Variants in FYCO1 observed in about 807,000 individuals in gnomAD.
FYCO1 encodes the protein FYVE and coiled-coil domain autophagy adaptor 1.
FYCO1 carries 122 observed loss-of-function variants against 165.1 expected under a neutral mutation model. The ratio of observed to expected loss-of-function variants is 0.74; its 90% CI spans 0.64 to 0.86. FYCO1 has a LOEUF of 0.86. Among genes scored for constraint, FYCO1 ranks in the 40% least tolerant of loss-of-function variants. The probability of loss-of-function intolerance (pLI) is 0.00; values close to 1 mark genes in which losing one functional copy is unlikely to be tolerated. For missense variants in FYCO1, 1,702 were observed against 1,810.3 expected (o/e 0.94, Z 1.09); for synonymous variants, 648 against 742.5 (o/e 0.87, Z 2.07).
Position 45,973,220 on chromosome 3 carries a change from T to A in FYCO1, c.407A>T (p.Tyr136Phe), listed in dbSNP as rs1221550207. 1 of 1,614,134 alleles carries A rather than the reference T, an allele frequency of 6.2e-7. No homozygotes were observed. Among genetic ancestry groups the A allele is most frequent in the Non-Finnish European group, 8.5e-7 (1 of 1,179,958 alleles). The change falls in exon 6 of 18, where the codon TAT becomes TTT. Residue 136 changes from tyrosine to phenylalanine, a missense_variant. Coordinates refer to ENST00000296137, the MANE Select transcript of FYCO1 (RefSeq NM_024513.4). Reference sequence around the variant, plus strand: ...TGGCTGCAGAAAGGGGCTTCTTGCATAGTACCAGTCACTGCAGAAAAACAT... The same window carrying A: ...TGGCTGCAGAAAGGGGCTTCTTGCAAAGTACCAGTCACTGCAGAAAAACAT... ...MNTKVTSDWYYARSPFLQPKL... is the reference protein window; with the variant it reads ...MNTKVTSDWYFARSPFLQPKL...
At chr3:45,963,826 T>A (rs138062500) in intron 10 of FYCO1, among the ~76,000 whole-genome samples, 199 of 152,294 alleles carry the variant, frequency 1.3e-3, no homozygotes, top group African/African-American at 4.6e-3. Flanking sequence ...TCCACAGATA[T>A]GGCATCAGAG....
At chr3:45,994,700 A>C (rs1416689075) in intron 1 of FYCO1, among the ~76,000 whole-genome samples, 2 of 144,282 alleles carry the variant, frequency 1.4e-5, no homozygotes, top group South Asian at 4.8e-4. Context: ...GGCAGATGGC[A>C]GGGGAATTAA....
chr3:45,922,748 C>A (rs1408154775), intron 17 of FYCO1, among the ~76,000 whole-genome samples: 1 of 152,172 alleles, frequency 6.6e-6, no homozygotes, highest in African/African-American at 2.4e-5. Flanking sequence ...CAGTTCAAGG[C>A]CTGGAGGTGG....
In FYCO1 at chr3:45,931,269, G is replaced by A. The variant is rs746807898; in HGVS notation, c.4053C>T (p.Pro1351=). Residue 1351 remains proline, a synonymous_variant, in exon 16 of 18, where the codon CCC becomes CCT. Coordinates refer to ENST00000296137, the MANE Select transcript of FYCO1 (RefSeq NM_024513.4). ...LKSGELMIKV[P]LTVDEIASFG... Reference sequence around the variant, plus strand: ...AGCTGGCGATCTCATCCACTGTGAGGGGTACTTTGATCCTAAAATAAAAAT... The same window carrying A: ...AGCTGGCGATCTCATCCACTGTGAGAGGTACTTTGATCCTAAAATAAAAAT... 6.2e-7 allele frequency: 1 copy of A among 1,613,658 alleles called. No homozygotes were observed. Among genetic ancestry groups the A allele is most frequent in the South Asian group, 1.1e-5 (1 of 91,068 alleles).
intron 5 of FYCO1, among the ~76,000 whole-genome samples, chr3:45,974,761 C>T (rs1315974777): frequency 6.6e-6 from 1 of 152,096 alleles, no homozygotes; most frequent in Non-Finnish European, 1.5e-5. Flanking sequence ...CAAAGGCTGA[C>T]TGCACACCTG....
At chr3:45,937,678 G>A (rs919912785) in intron 14 of FYCO1, among the ~76,000 whole-genome samples, 3 of 152,190 alleles carry the variant, frequency 2.0e-5, no homozygotes, top group Non-Finnish European at 2.9e-5. Flanking sequence ...CACAGCCTCC[G>A]CTGCTCTTCT....
At chr3:45,953,662 T>C (rs1575355102) in intron 14 of FYCO1, among the ~76,000 whole-genome samples, 1 of 152,186 alleles carries the variant, frequency 6.6e-6, no homozygotes, top group Non-Finnish European at 1.5e-5. Context: ...GCTCTGCCTG[T>C]GTAAGCTATA....
chr3:45,954,038 C>G (rs1489381485), intron 14 of FYCO1, among the ~76,000 whole-genome samples: 1 of 152,194 alleles, frequency 6.6e-6, no homozygotes. Flanking sequence ...ACTGGAGACC[C>G]AAGACAGCCC....
chr3:45,928,112 T>A (rs1703409814), intron 16 of FYCO1, among the ~76,000 whole-genome samples: 1 of 152,226 alleles, frequency 6.6e-6, no homozygotes, highest in Admixed American at 6.5e-5. Context: ...TGACTGCTAA[T>A]GGGCACAGAA....
At chr3:45,939,463 T>A (rs1275872968) in intron 14 of FYCO1, among the ~76,000 whole-genome samples, 1 of 151,956 alleles carries the variant, frequency 6.6e-6, no homozygotes, top group East Asian at 1.9e-4. Context: ...CAAATGGGAG[T>A]CTATAGTCCT....
At chr3:45,973,954 A>G (rs1706584653) in intron 5 of FYCO1, among the ~76,000 whole-genome samples, 1 of 151,964 alleles carries the variant, frequency 6.6e-6, no homozygotes, top group African/African-American at 2.4e-5. Context: ...CCAGCTTCTC[A>G]AGAGGCTGAG....
Position 45,966,592 on chromosome 3 carries a change from T to G in FYCO1, c.2742A>C (p.Ala914=), listed in dbSNP as rs892508866. 1.2e-6 allele frequency: 2 copies of G among 1,614,052 alleles called. No homozygotes were observed. Among genetic ancestry groups the G allele is most frequent in the Non-Finnish European group, 8.5e-7 (1 of 1,180,046 alleles). ...CCACTCGCTCCTTTTCCACGGTCAG[T>G]GCGCAAACCTGGATGCCCAGCTCAG... is the stretch of plus-strand genomic sequence containing the variant. ...DTAELGIQVC[A]LTVEKERVEE... Residue 914 remains alanine (A), a synonymous_variant, in exon 8 of 18, where the codon GCA becomes GCC. Coordinates refer to ENST00000296137, the MANE Select transcript of FYCO1 (RefSeq NM_024513.4).
chr3:45,963,243 A>C (rs938329215), intron 10 of FYCO1, among the ~76,000 whole-genome samples: 15 of 151,816 alleles, frequency 9.9e-5, no homozygotes, highest in African/African-American at 3.6e-4. Context: ...CACACACACC[A>C]CACACACACA....
intron 3 of FYCO1, 126 bp from the exon 4 acceptor site, chr3:45,979,956 AT>A: frequency 8.4e-7 from 1 of 1,186,288 alleles, no homozygotes; most frequent in Non-Finnish European, 1.2e-6. Context: ...TATTGGCATT[AT>A]TTTTATTTAT....
intron 1 of FYCO1, among the ~76,000 whole-genome samples, chr3:45,988,018 TG>T (rs1253314323): frequency 6.6e-6 from 1 of 152,226 alleles, no homozygotes; most frequent in Non-Finnish European, 1.5e-5. Context: ...TGCTCTTGGC[TG>T]GTGTCAAGTT....
intron 7 of FYCO1, 152 bp downstream of exon 7, chr3:45,969,523 C>T (rs1575374035): frequency 1.6e-6 from 1 of 640,192 alleles, no homozygotes; most frequent in Non-Finnish European, 2.8e-6. Context: ...TTGAAAAACC[C>T]AGACTCCCGG....
chr3:45,929,133 G>A (rs1313485920), intron 16 of FYCO1, among the ~76,000 whole-genome samples: 1 of 152,254 alleles, frequency 6.6e-6, no homozygotes, highest in Non-Finnish European at 1.5e-5. Context: ...GTCTCTTTGG[G>A]GGACCTCAGG....
At chr3:45,937,801 CCTT>C (rs1703982394) in intron 14 of FYCO1, among the ~76,000 whole-genome samples, 1 of 152,194 alleles carries the variant, frequency 6.6e-6, no homozygotes. Context: ...CTGTCTTCCT[CCTT>C]GCCTAACACC....
At position 45,968,383 on chromosome 3, in the gene FYCO1, T is replaced by A. The variant is rs1351473424; in HGVS notation, c.951A>T (p.Thr317=). The change falls in exon 8 of 18, where the codon ACA becomes ACT. Residue 317 remains threonine, a synonymous_variant. Transcript: ENST00000296137. ...ATQNTVKELQ[T]CLQGLELGAA... is the part of the protein sequence containing the mutation. ...CTCCTAGCTCCAGGCCCTGCAGGCA[T>A]GTCTGCAGCTCCTTCACAGTGTTCT... 2 of 1,613,574 alleles carry A rather than the reference T, an allele frequency of 1.2e-6. No individual in the cohort carries two copies. Among genetic ancestry groups the A allele is most frequent in the Non-Finnish European group, 1.7e-6 (2 of 1,179,914 alleles).
Sources: allele counts gnomAD v4.1 joint callset (sites outside exome capture counted in the v4.1 genomes callset), GRCh38; gene constraint gnomAD v4.1.1; transcripts MANE v1.5; gene names NCBI Gene and HGNC (gene_info 2026-07-23, HGNC 2026-07-21).